The following ROCK2 variants were observed in gnomAD, a reference collection of about 807,000 sequenced individuals.
The protein encoded by ROCK2 is Rho associated coiled-coil containing protein kinase 2.
ROCK2 carries 61 observed loss-of-function variants against 195.1 expected under a neutral mutation model. The ratio of observed to expected loss-of-function variants is 0.31; its 90% CI spans 0.25 to 0.39. The LOEUF (loss-of-function observed/expected upper bound fraction) is 0.39, where lower values mean the gene tolerates loss of function less well. ROCK2 is among the 10% of genes least tolerant of loss of function. ROCK2 has a pLI of 1.00. For synonymous variants in ROCK2, 504 were observed against 545.5 expected, an observed-to-expected ratio of 0.92 and a Z score of 1.06; for missense variants, 1,109 against 1,637.4, an observed-to-expected ratio of 0.68 and a Z score of 5.57.
At chr2:11,260,231 T>C (rs550598535) in intron 3 of ROCK2, among the ~76,000 whole-genome samples, 1 of 151,406 alleles carries the variant, frequency 6.6e-6, no homozygotes, top group East Asian at 1.9e-4. Context: ...GTGTATCATC[T>C]GAGGTCAGGA....
At chr2:11,307,377 G>A (rs1389567989) in intron 1 of ROCK2, among the ~76,000 whole-genome samples, 12 of 152,148 alleles carry the variant, frequency 7.9e-5, no homozygotes, top group African/African-American at 2.4e-4. Context: ...GCAGTGGTGC[G>A]ATCTCAGCTC....
intron 20 of ROCK2, among the ~76,000 whole-genome samples, chr2:11,206,282 G>A (rs561057964): frequency 1.3e-5 from 2 of 152,046 alleles, no homozygotes; most frequent in Non-Finnish European, 1.5e-5. Context: ...ATAACAGAAC[G>A]CCATTCACTT....
In ROCK2 at chr2:11,344,163, G is replaced by A; in HGVS notation, c.-27C>T. 2 of 1,396,076 alleles carry A rather than the reference G, an allele frequency of 1.4e-6. No homozygotes were observed. The highest frequency in any genetic ancestry group is 1.9e-6 in the Non-Finnish European group (2 of 1,079,306). The allele number at this position is 1,396,076 out of a possible 1,614,324, so 86.5% of individuals were successfully genotyped here. A position where few individuals can be genotyped will look rare whatever the true frequency, so the allele number is the denominator to read the frequency against. On this transcript the variant is annotated 5_prime_UTR_variant, in exon 1 of 33. Transcript: ENST00000315872. This position sits in a 1 kb window ranked among gnomAD's most constrained non-coding sequence, Gnocchi z 5.4. ...CCGCCACCGCTGGACCCGCACTCAG[G>A]CTCCTCGCGCTCAGGTCCCGCAGCC...
At chr2:11,231,626 T>A (rs926281134) in intron 5 of ROCK2, among the ~76,000 whole-genome samples, 5 of 152,120 alleles carry the variant, frequency 3.3e-5, no homozygotes, top group African/African-American at 1.2e-4. Flanking sequence ...CAACTTTTAC[T>A]GAGACACATC....
chr2:11,331,042 G>GGGAGGA (rs140676493), intron 1 of ROCK2, among the ~76,000 whole-genome samples: 5 of 130,350 alleles, frequency 3.8e-5, no homozygotes, highest in African/African-American at 8.6e-5. Flanking sequence ...GGGAGGAGGA[G>GGGAGGA]GGAGGAGGAG....
intron 1 of ROCK2, among the ~76,000 whole-genome samples, chr2:11,294,609 T>A (rs972468650): frequency 2.0e-5 from 3 of 152,182 alleles, no homozygotes; most frequent in Admixed American, 2.0e-4. Flanking sequence ...TGGTATTTTT[T>A]AAATTAAATT....
chr2:11,296,243 T>C (rs529668562), intron 1 of ROCK2, among the ~76,000 whole-genome samples: 12 of 152,266 alleles, frequency 7.9e-5, no homozygotes, highest in South Asian at 2.1e-4. Context: ...GTTAAGTAGA[T>C]AGATAGCTAA....
At chr2:11,243,691 A>G (rs1293499305) in intron 4 of ROCK2, among the ~76,000 whole-genome samples, 1 of 152,214 alleles carries the variant, frequency 6.6e-6, no homozygotes, top group East Asian at 1.9e-4. Context: ...CAAGGTCATC[A>G]AAAACAAGGA....
chr2:11,246,291 A>C lies in ROCK2; in HGVS notation c.462+3370T>G, dbSNP rs142612933. ...TTAAACTACACCACAAGAAGAGATC[A>C]GCAAAATCTAGGTTTCTTCAACCTG... On this transcript the variant is annotated intron_variant, in intron 4 of 32. Coordinates refer to ENST00000315872, the MANE Select transcript of ROCK2 (RefSeq NM_004850.5). Among the ~76,000 whole-genome samples, 1,469 of 152,342 alleles carry C rather than the reference A, an allele frequency of 9.6e-3. 6 individuals carry two copies. Among genetic ancestry groups the C allele is most frequent in the Middle Eastern group, 0.017 (5 of 294 alleles).
chr2:11,243,532 T>C (rs1398599210), intron 4 of ROCK2, among the ~76,000 whole-genome samples: 1 of 152,206 alleles, frequency 6.6e-6, no homozygotes. Flanking sequence ...GTACTCCTGA[T>C]ATGACAGCAT....
At chr2:11,245,283 AT>A (rs1375899455) in intron 4 of ROCK2, among the ~76,000 whole-genome samples, 1 of 149,960 alleles carries the variant, frequency 6.7e-6, no homozygotes, top group Non-Finnish European at 1.5e-5. Flanking sequence ...TATAAATTAT[AT>A]TTTAGGCTTA....
intron 9 of ROCK2, among the ~76,000 whole-genome samples, chr2:11,220,349 T>C (rs1192611777): frequency 1.3e-5 from 2 of 151,966 alleles, no homozygotes; most frequent in Admixed American, 6.6e-5. Flanking sequence ...GGGTTCCACT[T>C]TGTTGCCTAG....
At chr2:11,238,209 A>AGTGTGTGTGT (rs6146630) in intron 4 of ROCK2, among the ~76,000 whole-genome samples, 5,364 of 135,240 alleles carry the variant, frequency 0.04, 135 homozygotes, top group South Asian at 0.059. Context: ...ATTGAGAAAG[A>AGTGTGTGTGT]GTGTGTGTGT....
chr2:11,209,721 T>A (rs1478806122), intron 18 of ROCK2, among the ~76,000 whole-genome samples: 1 of 152,188 alleles, frequency 6.6e-6, no homozygotes, highest in East Asian at 1.9e-4. Context: ...CAATTAAGGC[T>A]CCTCTGCTTT....
At chr2:11,213,768 C>T (rs1245552075) in intron 17 of ROCK2, among the ~76,000 whole-genome samples, 1 of 151,820 alleles carries the variant, frequency 6.6e-6, no homozygotes, top group African/African-American at 2.4e-5. Context: ...ATACATATAC[C>T]CTGTCCATAA....
chr2:11,285,404 C>A (rs1667153587), intron 3 of ROCK2, among the ~76,000 whole-genome samples: 1 of 152,072 alleles, frequency 6.6e-6, no homozygotes, highest in Non-Finnish European at 1.5e-5. Flanking sequence ...GCTTGCCTAC[C>A]CATACAATTA....
intron 20 of ROCK2, among the ~76,000 whole-genome samples, chr2:11,202,638 C>T (rs1202270767): frequency 1.3e-5 from 2 of 152,198 alleles, no homozygotes; most frequent in African/African-American, 2.4e-5. Context: ...GCTGGGACTA[C>T]AGGCGCCTGC....
intron 18 of ROCK2, among the ~76,000 whole-genome samples, chr2:11,211,339 C>T (rs550982222): frequency 2.0e-5 from 3 of 152,014 alleles, no homozygotes; most frequent in Admixed American, 6.6e-5. Context: ...AGGTATACAG[C>T]GTGTGAAGTT....
chr2:11,343,931 C>G (rs971991380), intron 1 of ROCK2, 65 bp downstream of exon 1: 10 of 1,530,842 alleles, frequency 6.5e-6, no homozygotes, highest in Non-Finnish European at 8.8e-6. Flanking sequence ...GCACGGAGGG[C>G]TGGGCGGAGA....
Sources: gnomAD v4.1 joint callset for allele counts (sites outside exome capture counted in the v4.1 genomes callset) on GRCh38, gnomAD v4.1.1 for gene constraint, Gnocchi (gnomAD v3.1) non-coding constraint, MANE v1.5 for transcripts, NCBI Gene and HGNC (gene_info 2026-07-23, HGNC 2026-07-21) for gene names.